The following TMTC2 variants were observed in gnomAD, a reference collection of about 807,000 sequenced individuals.
TMTC2 encodes the protein transmembrane O-mannosyltransferase targeting cadherins 2.
TMTC2 carries 43 observed loss-of-function variants against 82.4 expected under a neutral mutation model. The ratio of observed to expected loss-of-function variants is 0.52; its 90% confidence interval spans 0.41 to 0.67. TMTC2 has a LOEUF of 0.67. TMTC2 is among the 30% of genes least tolerant of loss of function. TMTC2 has a pLI of 0.00. For missense variants in TMTC2, 919 were observed against 1,012.4 expected, an observed-to-expected ratio of 0.91 and a Z score of 1.25; for synonymous variants, 408 against 381.9, an observed-to-expected ratio of 1.07 and a Z score of -0.80.
At chr12:82,951,031 G>A (rs926896343) in intron 4 of TMTC2, among the ~76,000 whole-genome samples, 2 of 152,106 alleles carry the variant, frequency 1.3e-5, no homozygotes, top group Non-Finnish European at 2.9e-5. Context: ...CAAATAATTA[G>A]GTCTGTGTCA....
intron 1 of TMTC2, among the ~76,000 whole-genome samples, chr12:82,731,384 A>T (rs1036427565): frequency 2.0e-5 from 3 of 152,236 alleles, no homozygotes; most frequent in African/African-American, 7.2e-5. Context: ...CATCTTTTAA[A>T]GAAAGAAAAT....
intron 1 of TMTC2, among the ~76,000 whole-genome samples, chr12:82,715,950 C>T (rs1051466821): frequency 9.2e-5 from 14 of 152,120 alleles, no homozygotes; most frequent in Non-Finnish European, 7.4e-5. Context: ...CCCCTCCGCT[C>T]GTATTATCAT....
At chr12:82,842,994 G>A (rs1870421991) in intron 1 of TMTC2, among the ~76,000 whole-genome samples, 1 of 152,158 alleles carries the variant, frequency 6.6e-6, no homozygotes, top group Non-Finnish European at 1.5e-5. Context: ...GCAGGACATG[G>A]CACAGTGTGT....
At chr12:82,762,000 T>C (rs1876673799) in intron 1 of TMTC2, among the ~76,000 whole-genome samples, 1 of 141,408 alleles carries the variant, frequency 7.1e-6, no homozygotes, top group Non-Finnish European at 1.5e-5. Flanking sequence ...CAAGTCACGC[T>C]CTGTTGCCCA....
At chr12:82,986,276 T>C in intron 8 of TMTC2, 1 of 499,944 alleles carries the variant, frequency 2.0e-6, no homozygotes, top group Non-Finnish European at 3.6e-6. Flanking sequence ...TTGATCTAGA[T>C]AATATGTGAG....
At chr12:83,101,583 C>T (rs752457202) in intron 11 of TMTC2, among the ~76,000 whole-genome samples, 2 of 152,122 alleles carry the variant, frequency 1.3e-5, no homozygotes, top group Non-Finnish European at 2.9e-5. Flanking sequence ...AAAATGAAAA[C>T]TACTACTGTA....
chr12:83,106,820 A>AACTTTTTAGAT (rs1884419745), intron 11 of TMTC2, among the ~76,000 whole-genome samples: 1 of 152,228 alleles, frequency 6.6e-6, no homozygotes, highest in Non-Finnish European at 1.5e-5. Context: ...GTGAAATAAG[A>AACTTTTTAGAT]ACTTTTTAGA....
At chr12:82,877,322 A>T (rs1394081671) in intron 2 of TMTC2, among the ~76,000 whole-genome samples, 1 of 152,192 alleles carries the variant, frequency 6.6e-6, no homozygotes, top group South Asian at 2.1e-4. Flanking sequence ...CTCAAATCCT[A>T]CAATTGCATC....
rs932888629 is a variant in TMTC2, at chr12:82,860,681, G to A, written c.654+3101G>A. Among the ~76,000 whole-genome samples the A allele has an allele frequency of 2.6e-5, 4 of 152,328 alleles. No individual in the cohort carries two copies. The East Asian group carries it at 7.7e-4, about 29-fold the overall frequency. ...ATACATATTAGTTGAAGTGAAAGAA[G>A]AAATGTCGATGGAAATTTTGATTCT... On this transcript the variant is annotated intron_variant, in intron 2 of 11. Coordinates refer to ENST00000321196, the MANE Select transcript of TMTC2 (RefSeq NM_152588.3).
chr12:82,876,035 G>GGTA (rs1872485036), intron 2 of TMTC2, among the ~76,000 whole-genome samples: 1 of 93,254 alleles, frequency 1.1e-5, no homozygotes, highest in Non-Finnish European at 2.0e-5. Flanking sequence ...TGGCGGTGGT[G>GGTA]GTGGTGGTGG....
At position 82,878,977 on chromosome 12, in the gene TMTC2, G is replaced by A. The variant is rs1003449154; in HGVS notation, c.655-16841G>A. ...TTCTAGTCCTAGCTGTGATTGAGTC[G>A]CTGTCTCTTGGTGAACACTTCCAAC... On this transcript the variant is annotated intron_variant, in intron 2 of 11. Transcript: ENST00000321196. 7.2e-5 allele frequency among the ~76,000 whole-genome samples: 11 copies of A among 152,114 alleles called. No individual in the cohort carries two copies. In the East Asian group the frequency reaches 1.4e-3, roughly 19 times the overall value.
At chr12:83,121,344 G>A (rs117777237) in intron 11 of TMTC2, among the ~76,000 whole-genome samples, 17 of 152,272 alleles carry the variant, frequency 1.1e-4, no homozygotes, top group African/African-American at 3.9e-4. Flanking sequence ...CCCATGGTGT[G>A]TTCCCTTGAT....
intron 7 of TMTC2, among the ~76,000 whole-genome samples, chr12:82,967,350 AAGTG>A (rs1878257724): frequency 6.6e-6 from 1 of 152,112 alleles, no homozygotes; most frequent in Admixed American, 6.5e-5. Context: ...TAATTTTAGT[AAGTG>A]TATCAAATTC....
At position 82,714,617 on chromosome 12, in the gene TMTC2, C is replaced by T. The variant is rs192889365; in HGVS notation, c.83+26948C>T. On this transcript the variant is annotated intron_variant, in intron 1 of 11. Coordinates refer to ENST00000321196, the MANE Select transcript of TMTC2 (RefSeq NM_152588.3). The stretch of plus-strand genomic sequence containing the variant: ...TCCTGATCTCTTTCAGGATAATGTG[C>T]TAGATAGCTAAGCTGGCTTCCACCT... Among the ~76,000 whole-genome samples the T allele has an allele frequency of 2.0e-5, 3 of 152,122 alleles. No homozygotes were observed. In the South Asian group the frequency reaches 6.2e-4, roughly 32 times the overall value.
intron 2 of TMTC2, among the ~76,000 whole-genome samples, chr12:82,870,680 G>T (rs766582624): frequency 6.6e-6 from 1 of 152,164 alleles, no homozygotes; most frequent in Admixed American, 6.5e-5. Context: ...AAAGGCCACC[G>T]CTAGAGTCTT....
chr12:82,774,195 A>G (rs762598533), intron 1 of TMTC2, among the ~76,000 whole-genome samples: 5 of 152,144 alleles, frequency 3.3e-5, no homozygotes, highest in Non-Finnish European at 7.4e-5. Flanking sequence ...ACACATGTGT[A>G]TATATGTACA....
chr12:82,983,023 T>C (rs927612872), intron 7 of TMTC2, among the ~76,000 whole-genome samples: 1 of 152,026 alleles, frequency 6.6e-6, no homozygotes, highest in African/African-American at 2.4e-5. Flanking sequence ...CTTGCAAACC[T>C]ACTTTGATCA....
chr12:83,030,947 C>A, intron 9 of TMTC2, 68 bp downstream of exon 9: 1 of 1,190,252 alleles, frequency 8.4e-7, no homozygotes, highest in Non-Finnish European at 1.2e-6. Flanking sequence ...GAGATCTAGG[C>A]TTTGCTGGCA....
intron 8 of TMTC2, among the ~76,000 whole-genome samples, chr12:83,015,220 C>T (rs1322658437): frequency 2.0e-5 from 3 of 152,180 alleles, no homozygotes; most frequent in Non-Finnish European, 4.4e-5. Context: ...CTACATACCC[C>T]AATGTGTACA....
Sources: allele counts gnomAD v4.1 joint callset (sites outside exome capture counted in the v4.1 genomes callset), GRCh38; gene constraint gnomAD v4.1.1; transcripts MANE v1.5; gene names NCBI Gene and HGNC (gene_info 2026-07-23, HGNC 2026-07-21).